PPP1R1C: variants seen among roughly 807,000 people sequenced by gnomAD.
The protein encoded by PPP1R1C is protein phosphatase 1 regulatory subunit 1C.
In PPP1R1C, 15 loss-of-function variants were observed where a neutral mutation model predicts 17.4. The observed-to-expected ratio is 0.86, with a 90% CI of 0.58 to 1.33. PPP1R1C has a LOEUF of 1.33. Ranked by LOEUF, PPP1R1C falls within the 40% of genes most tolerant of loss-of-function variation. PPP1R1C has a pLI of 0.00. For synonymous variants in PPP1R1C, 35 were observed against 43.1 expected (o/e 0.81, Z 0.73); for missense variants, 143 against 130.0 (o/e 1.10, Z -0.48).
chr2:182,015,263 T>G (rs139763120), intron 2 of PPP1R1C, among the ~76,000 whole-genome samples: 67 of 152,308 alleles, frequency 4.4e-4, no homozygotes, highest in African/African-American at 1.6e-3. Flanking sequence ...TAGTAGTGAA[T>G]AAGTCTCATG....
Position 181,976,403 on chromosome 2 carries a change from A to G in PPP1R1C, n.157+1139A>G, listed in dbSNP as rs1685092359. The stretch of plus-strand genomic sequence containing the variant: ...CTGAATCCAAACCAAATAAAATCTT[A>G]TAACATTATTTTCTTCCATTGTATT... On this transcript the variant is annotated intron_variant and non_coding_transcript_variant, in intron 2 of 5. Transcript: ENST00000464264. This position sits in a 1 kb window ranked among gnomAD's most constrained non-coding sequence, Gnocchi z 4.8. 6.6e-6 allele frequency among the ~76,000 whole-genome samples: 1 copy of G among 152,196 alleles called. No individual in the cohort carries two copies.
At chr2:182,011,391 A>G (rs1375894786) in intron 2 of PPP1R1C, among the ~76,000 whole-genome samples, 1 of 151,986 alleles carries the variant, frequency 6.6e-6, no homozygotes, top group Non-Finnish European at 1.5e-5. Flanking sequence ...AGGTTTTCAA[A>G]TTTATTGACA....
chr2:181,981,778 A>G (rs1167185892), upstream of PPP1R1C, among the ~76,000 whole-genome samples: 2 of 152,220 alleles, frequency 1.3e-5, no homozygotes, highest in African/African-American at 4.8e-5. Context: ...TTGAAGGAGG[A>G]CATACAAGGG....
At chr2:182,036,431 T>G (rs1687005249) in intron 2 of PPP1R1C, among the ~76,000 whole-genome samples, 1 of 152,208 alleles carries the variant, frequency 6.6e-6, no homozygotes, top group Non-Finnish European at 1.5e-5. Context: ...TTATTATTTG[T>G]TGCTTATTTC....
At chr2:182,001,899 A>G (rs1685775771) in intron 2 of PPP1R1C, among the ~76,000 whole-genome samples, 1 of 152,144 alleles carries the variant, frequency 6.6e-6, no homozygotes, top group South Asian at 2.1e-4. Context: ...GAATCTATAG[A>G]AACAACTTAT....
chr2:182,046,274 T>A (rs770738064), intron 2 of PPP1R1C, among the ~76,000 whole-genome samples: 1 of 152,132 alleles, frequency 6.6e-6, no homozygotes, highest in Non-Finnish European at 1.5e-5. Context: ...TTAACCTACA[T>A]AATGCAACTT....
At position 182,025,123 on chromosome 2, in the gene PPP1R1C, C is replaced by T. The variant is rs548756604; in HGVS notation, c.143-36319C>T. 2.1e-4 allele frequency among the ~76,000 whole-genome samples: 31 copies of T among 149,032 alleles called. 1 individual carries two copies. The South Asian group carries it at 6.6e-3, about 32-fold the overall frequency. On this transcript the variant is annotated intron_variant, in intron 2 of 4. Transcript: ENST00000682840. ...ATACTCTTTATAAGGCAATTATTGA[C>T]TTAAAGAGTAAATTGTTTCTCTTTC...
chr2:181,991,188 A>G (rs1235087473), intron 2 of PPP1R1C, among the ~76,000 whole-genome samples: 1 of 152,046 alleles, frequency 6.6e-6, no homozygotes, highest in Non-Finnish European at 1.5e-5. Context: ...GATTATATAT[A>G]TTCTGTTTAT....
At chr2:182,015,531 G>A (rs149833188) in intron 2 of PPP1R1C, among the ~76,000 whole-genome samples, 4 of 152,234 alleles carry the variant, frequency 2.6e-5, no homozygotes, top group East Asian at 1.9e-4. Context: ...ATCTAAAGCT[G>A]ACACAGCACT....
At chr2:182,126,578 T>C (rs1295621364) in intron 5 of PPP1R1C, among the ~76,000 whole-genome samples, 1 of 152,170 alleles carries the variant, frequency 6.6e-6, no homozygotes, top group South Asian at 2.1e-4. Flanking sequence ...TCACGTAATA[T>C]GTGAGATGCA....
chr2:182,029,100 G>C (rs894650263), intron 2 of PPP1R1C, among the ~76,000 whole-genome samples: 2 of 140,586 alleles, frequency 1.4e-5, no homozygotes, highest in Non-Finnish European at 1.6e-5. Flanking sequence ...TTGAGCCTAT[G>C]TGTGTCTCGG....
At chr2:182,053,620 C>G (rs1178847523) in intron 2 of PPP1R1C, among the ~76,000 whole-genome samples, 1 of 151,886 alleles carries the variant, frequency 6.6e-6, no homozygotes, top group South Asian at 2.1e-4. Flanking sequence ...ATGGTCTGGG[C>G]GTAGAGTTAT....
chr2:182,112,521 A>G (rs777031503), intron 4 of PPP1R1C, among the ~76,000 whole-genome samples: 4 of 152,178 alleles, frequency 2.6e-5, no homozygotes, highest in Admixed American at 6.5e-5. Flanking sequence ...TAAGAAATCA[A>G]TAACAGTGGA....
chr2:182,046,093 TTTCCTTCCTTCCTTCCTTCCTTCC>T (rs56180506), intron 2 of PPP1R1C, among the ~76,000 whole-genome samples: 125 of 144,066 alleles, frequency 8.7e-4, no homozygotes, highest in East Asian at 4.6e-3. Flanking sequence ...CCCTCCTACA[TTTCCTTCCTTCCTTCCTTCCTTCC>T]TTCCTTCCTT....
chr2:182,096,365 G>A (rs973793042), intron 4 of PPP1R1C, among the ~76,000 whole-genome samples: 3 of 152,160 alleles, frequency 2.0e-5, no homozygotes, highest in African/African-American at 7.2e-5. Flanking sequence ...GAGAAAGGCA[G>A]GAGAAAGACA....
chr2:181,991,798 T>C (rs1685480974), intron 2 of PPP1R1C, among the ~76,000 whole-genome samples: 1 of 152,186 alleles, frequency 6.6e-6, no homozygotes, highest in Admixed American at 6.5e-5. Flanking sequence ...AGAGCATTAT[T>C]ATCTATTCTT....
At position 182,114,957 on chromosome 2, in the gene PPP1R1C, C is replaced by T. The variant is rs75588725; in HGVS notation, c.242-2250C>T. Among the ~76,000 whole-genome samples, 314 of 152,226 alleles carry T rather than the reference C, an allele frequency of 2.1e-3. 1 individual carries two copies. Among genetic ancestry groups the T allele is most frequent in the Non-Finnish European group, 4.0e-3 (272 of 67,996 alleles). On this transcript the variant is annotated intron_variant, in intron 4 of 4. Transcript: ENST00000682840. ...ATTAATGAGTTAAACATCTTAATTACTGATTTTTTCCTTTATATTGAATCC... is the reference window on the plus strand; with the variant it reads ...ATTAATGAGTTAAACATCTTAATTATTGATTTTTTCCTTTATATTGAATCC...
Position 182,063,730 on chromosome 2 carries a change from G to A in PPP1R1C, c.181-1G>A. On this transcript the variant is annotated splice_acceptor_variant, in intron 3 of 4. Transcript: ENST00000682840. LOFTEE classifies it high-confidence loss of function. Reference sequence around the variant, plus strand: ...TTTTACTTTTTTCTCTTTCTCCACAGTTACAGAATGCATCCCCTAAGCAAA... The same window carrying A: ...TTTTACTTTTTTCTCTTTCTCCACAATTACAGAATGCATCCCCTAAGCAAA... The A allele has an allele frequency of 6.2e-7, 1 of 1,612,086 alleles. No homozygotes were observed. Among genetic ancestry groups the A allele is most frequent in the South Asian group, 1.1e-5 (1 of 91,040 alleles).
At chr2:182,055,225 A>G (rs1687646203) in intron 2 of PPP1R1C, among the ~76,000 whole-genome samples, 1 of 152,114 alleles carries the variant, frequency 6.6e-6, no homozygotes, top group Non-Finnish European at 1.5e-5. Context: ...GCTGGTGCCA[A>G]CTTTTATCAG....
Sources: allele counts gnomAD v4.1 joint callset (sites outside exome capture counted in the v4.1 genomes callset), GRCh38; gene constraint gnomAD v4.1.1; non-coding constraint Gnocchi (gnomAD v3.1); transcripts MANE v1.5; gene names NCBI Gene and HGNC (gene_info 2026-07-23, HGNC 2026-07-21).